MDGA2: variants seen among roughly 807,000 people sequenced by gnomAD.
The protein encoded by MDGA2 is MAM domain-containing glycosylphosphatidylinositol anchor protein 2.
A neutral mutation model predicts 117.8 loss-of-function variants in MDGA2; 40 were observed. That is an observed-to-expected ratio of 0.34 (90% confidence interval 0.26 to 0.44). The LOEUF (loss-of-function observed/expected upper bound fraction) is 0.44. Among genes scored for constraint, MDGA2 ranks in the 20% least tolerant of loss-of-function variants. MDGA2 has a pLI of 1.00. For missense variants in MDGA2, 1,123 were observed against 1,250.6 expected, an observed-to-expected ratio of 0.90 and a Z score of 1.54; for synonymous variants, 452 against 439.0, an observed-to-expected ratio of 1.03 and a Z score of -0.37.
At chr14:46,883,664 A>G (rs1882552890) in intron 10 of MDGA2, among the ~76,000 whole-genome samples, 1 of 152,082 alleles carries the variant, frequency 6.6e-6, no homozygotes, top group African/African-American at 2.4e-5. Context: ...CTATCCTTCC[A>G]TATGCATATA....
At chr14:47,023,112 A>G (rs1350302372) in intron 8 of MDGA2, among the ~76,000 whole-genome samples, 3 of 151,240 alleles carry the variant, frequency 2.0e-5, no homozygotes, top group Non-Finnish European at 4.4e-5. Context: ...GGTAATGTTT[A>G]CATTCCTGGA....
rs1344464649 is a variant in MDGA2, at chr14:47,217,969, C to A, written c.595+52G>T. 7 of 1,381,138 alleles carry A rather than the reference C, an allele frequency of 5.1e-6. No homozygotes were observed. In the East Asian group the frequency reaches 1.6e-4, roughly 32 times the overall value. 85.6% of individuals were successfully genotyped at this position (1,381,138 alleles called of 1,614,324 possible). A position where few individuals can be genotyped will look rare whatever the true frequency, so the allele number is the denominator to read the frequency against. On this transcript the variant is annotated intron_variant, in intron 3 of 16. Coordinates refer to ENST00000399232, the MANE Select transcript of MDGA2 (RefSeq NM_001113498.3). The stretch of plus-strand genomic sequence containing the variant: ...TTCAGAAAACCATAGACTTGTAAGA[C>A]AAAAGAAATCCATAATAGGCTTAAT...
rs151049876 is a variant in MDGA2, at chr14:46,937,959, A to G, written c.2090-17799T>C. Among the ~76,000 whole-genome samples, 32 of 152,312 alleles carry G rather than the reference A, an allele frequency of 2.1e-4. No individual in the cohort carries two copies. In the East Asian group the frequency reaches 5.6e-3, roughly 27 times the overall value. On this transcript the variant is annotated intron_variant, in intron 9 of 16. Coordinates refer to ENST00000399232, the MANE Select transcript of MDGA2 (RefSeq NM_001113498.3). ...AGCAATAATAAACAAATGGGATTAC[A>G]TTAAACCAAAAAGCTTGTGAACATC...
chr14:47,267,979 A>G (rs764501670), intron 2 of MDGA2, among the ~76,000 whole-genome samples: 34 of 152,118 alleles, frequency 2.2e-4, no homozygotes, highest in Non-Finnish European at 4.0e-4. Flanking sequence ...CTTGAGTTTT[A>G]AACATTATTT....
In MDGA2 at chr14:46,845,854, G is replaced by A; in HGVS notation, c.2901C>T (p.Ile967=). ...ITSFQLIFEG[I]RGPGIEGDIA... ...TGTCACCTTCTATTCCAGGACCTCG[G>A]ATACCTTCAAAAATGAGCTACAAAT... Residue 967 remains isoleucine (I), a synonymous_variant, in exon 16 of 17, where the codon ATC becomes ATT. Transcript: ENST00000399232. 6.2e-7 allele frequency: 1 copy of A among 1,612,482 alleles called. No individual in the cohort carries two copies. The highest frequency in any genetic ancestry group is 8.5e-7 in the Non-Finnish European group (1 of 1,178,886).
chr14:47,519,177 C>T (rs924126751), intron 1 of MDGA2, among the ~76,000 whole-genome samples: 12 of 152,262 alleles, frequency 7.9e-5, no homozygotes, highest in African/African-American at 2.9e-4. Context: ...TTTACTCCAG[C>T]TTGGGCGATA....
intron 9 of MDGA2, among the ~76,000 whole-genome samples, chr14:46,930,771 C>G (rs1465203068): frequency 6.6e-6 from 1 of 152,002 alleles, no homozygotes; most frequent in African/African-American, 2.4e-5. Flanking sequence ...ATTTTATCAC[C>G]CTTTCAATAG....
chr14:46,989,452 C>T (rs1473580562), intron 8 of MDGA2, among the ~76,000 whole-genome samples: 1 of 152,042 alleles, frequency 6.6e-6, no homozygotes, highest in East Asian at 1.9e-4. Context: ...TTCATCTTGG[C>T]AGGTGACAAT....
At chr14:47,375,573 C>T (rs1054106873) in intron 1 of MDGA2, among the ~76,000 whole-genome samples, 4 of 151,972 alleles carry the variant, frequency 2.6e-5, no homozygotes, top group African/African-American at 9.7e-5. Context: ...ACTCATTTTT[C>T]TGATTCTATA....
At position 47,399,758 on chromosome 14, in the gene MDGA2, T is replaced by G. The variant is rs575890734; in HGVS notation, c.281-98208A>C. On this transcript the variant is annotated intron_variant, in intron 1 of 16. Coordinates refer to ENST00000399232, the MANE Select transcript of MDGA2 (RefSeq NM_001113498.3). ...AATCACGAAACAAATCATGTCTGTT[T>G]TTTTGTTAAAAAAATGCTGTATAAC... is the stretch of plus-strand genomic sequence containing the variant. Among the ~76,000 whole-genome samples, 32 of 152,078 alleles carry G rather than the reference T, an allele frequency of 2.1e-4. No individual in the cohort carries two copies. The South Asian group carries it at 6.2e-3, about 30-fold the overall frequency.
At chr14:47,390,785 T>A (rs1176945999) in intron 1 of MDGA2, among the ~76,000 whole-genome samples, 1 of 152,174 alleles carries the variant, frequency 6.6e-6, no homozygotes, top group Non-Finnish European at 1.5e-5. Context: ...ATTTTGTTTC[T>A]AATTTTATTT....
At chr14:47,177,402 A>G (rs1490844158) in intron 3 of MDGA2, among the ~76,000 whole-genome samples, 2 of 152,326 alleles carry the variant, frequency 1.3e-5, no homozygotes, top group East Asian at 3.9e-4. Context: ...GAACCAACCC[A>G]AATGTCCAAC....
chr14:47,483,276 A>T (rs1190503218), intron 1 of MDGA2, among the ~76,000 whole-genome samples: 1 of 152,074 alleles, frequency 6.6e-6, no homozygotes, highest in Admixed American at 6.6e-5. Flanking sequence ...TATATTTCAG[A>T]TATTCCATAT....
At chr14:47,165,830 G>T (rs1883847445) in intron 3 of MDGA2, among the ~76,000 whole-genome samples, 2 of 152,070 alleles carry the variant, frequency 1.3e-5, no homozygotes, top group Non-Finnish European at 2.9e-5. Context: ...TTTGGCTCTT[G>T]TAATAAACCC....
intron 1 of MDGA2, among the ~76,000 whole-genome samples, chr14:47,516,003 G>A (rs949416220): frequency 1.3e-5 from 2 of 152,138 alleles, no homozygotes; most frequent in Non-Finnish European, 2.9e-5. Flanking sequence ...AAGAGAATGA[G>A]ACTCTTTATT....
chr14:47,270,768 C>T (rs1160315504), intron 2 of MDGA2, among the ~76,000 whole-genome samples: 1 of 150,992 alleles, frequency 6.6e-6, no homozygotes, highest in African/African-American at 2.4e-5. Context: ...TGTATGTAAG[C>T]GTGCACTGTT....
At chr14:47,273,286 T>G (rs948642532) in intron 2 of MDGA2, among the ~76,000 whole-genome samples, 1 of 152,164 alleles carries the variant, frequency 6.6e-6, no homozygotes, top group African/African-American at 2.4e-5. Flanking sequence ...TCTGATATTA[T>G]TAATGAAGCC....
chr14:47,123,421 T>G (rs866323836), intron 5 of MDGA2, among the ~76,000 whole-genome samples: 1 of 152,028 alleles, frequency 6.6e-6, no homozygotes, highest in African/African-American at 2.4e-5. Context: ...TGTTCAAGAT[T>G]TGCTGTCTTA....
rs534913341 is a variant in MDGA2 at position 47,268,484 on chromosome 14, T to G, written c.420+32927A>C. ...AAATGGCTGGATTCTACTGACTATT[T>G]AAAAAACAGAAAAGACAGGAATACA... On this transcript the variant is annotated intron_variant, in intron 2 of 16. Transcript: ENST00000399232. Among the ~76,000 whole-genome samples, 210 of 152,210 alleles carry G rather than the reference T, an allele frequency of 1.4e-3. 2 individuals carry two copies. Among genetic ancestry groups the G allele is most frequent in the African/African-American group, 4.7e-3 (196 of 41,518 alleles).
Sources: gnomAD v4.1 joint callset for allele counts (sites outside exome capture counted in the v4.1 genomes callset) on GRCh38, gnomAD v4.1.1 for gene constraint, MANE v1.5 for transcripts, NCBI Gene and HGNC (gene_info 2026-07-23, HGNC 2026-07-21) for gene names.